Variants in AP1S2 observed in about 807,000 individuals in gnomAD.
The protein encoded by AP1S2 is AP-1 complex subunit sigma-2.
In AP1S2, 1 loss-of-function variant was observed where a neutral mutation model predicts 14.3. That is an observed-to-expected ratio of 0.07 (90% CI 0.02 to 0.33). The LOEUF (loss-of-function observed/expected upper bound fraction) is 0.33, where lower values mean the gene tolerates loss of function less well. AP1S2 is among the 10% of genes least tolerant of loss of function. AP1S2 has a pLI of 0.99. For missense variants in AP1S2, 30 were observed against 117.7 expected (o/e 0.25, Z 3.45); for synonymous variants, 30 against 40.5 (o/e 0.74, Z 0.99).
rs761779751 is a variant in AP1S2 at position 15,826,044 on chromosome X, G to C, written c.*1281C>G. The C allele has an allele frequency of 8.9e-6, 1 of 111,852 alleles. No homozygotes were observed. Among genetic ancestry groups the C allele is most frequent in the East Asian group, 2.8e-4 (1 of 3,555 alleles). The allele number at this position is 111,852 out of a possible 1,213,427, so 9.2% of individuals were successfully genotyped here. A position where few individuals can be genotyped will look rare whatever the true frequency, so the allele number is the denominator to read the frequency against. On this transcript the variant is annotated 3_prime_UTR_variant, in exon 6 of 6. Coordinates refer to ENST00000672987, the MANE Select transcript of AP1S2 (RefSeq NM_001272071.2). ...CTCTGCATAGTTTGACAAACTTTTG[G>C]AAAGAGATAAAAACACACTCCAGTG...
At chrX:15,831,210 A>G (rs984837136) in intron 4 of AP1S2, 33 of 718,882 alleles carry the variant, frequency 4.6e-5, no homozygotes, top group Non-Finnish European at 5.1e-5. Context: ...TTATAAGATA[A>G]ATCACAGATG....
chrX:15,840,477 A>T, intron 4 of AP1S2: 1 of 884,647 alleles, frequency 1.1e-6, no homozygotes, highest in Non-Finnish European at 1.5e-6. Context: ...TGCCACAAAA[A>T]TGGTAAATTT....
intron 4 of AP1S2, among the ~76,000 whole-genome samples, chrX:15,844,558 C>T (rs1275145912): frequency 3.6e-5 from 4 of 112,561 alleles, no homozygotes; most frequent in Non-Finnish European, 7.5e-5. Context: ...GTAAGCTTTC[C>T]ATATGATAAA....
chrX:15,840,669 T>A (rs901124597), intron 4 of AP1S2: 14 of 549,731 alleles, frequency 2.5e-5, no homozygotes, highest in Admixed American at 1.6e-4. Context: ...ATTTCCTTTG[T>A]CATTATATAT....
Position 15,844,693 on chromosome X carries a change from C to A in AP1S2, c.426+686G>T, listed in dbSNP as rs183319253. On this transcript the variant is annotated intron_variant, in intron 4 of 5. Transcript: ENST00000672987. Reference sequence around the variant, plus strand: ...TCAGAAATAGAAGGTACATCAGCATCAACTGCACAATTAACCCAAGATGAC... The same window carrying A: ...TCAGAAATAGAAGGTACATCAGCATAAACTGCACAATTAACCCAAGATGAC... Among the ~76,000 whole-genome samples the A allele has an allele frequency of 6.4e-3, 720 of 112,085 alleles. 6 individuals carry two copies. Among genetic ancestry groups the A allele is most frequent in the African/African-American group, 0.022 (677 of 30,894 alleles).
chrX:15,834,439 AATATAT>A (rs1161066866), intron 4 of AP1S2, among the ~76,000 whole-genome samples: 480 of 25,101 alleles, frequency 0.019, 15 homozygotes, highest in South Asian at 0.032. Context: ...TCCCTTCCAA[AATATAT>A]ATATATATAT....
chrX:15,829,925 A>G (rs1207177328), intron 4 of AP1S2: 1 of 172,769 alleles, frequency 5.8e-6, no homozygotes, highest in East Asian at 2.6e-4. Context: ...CTGTACACTT[A>G]AAACTGCGTA....
chrX:15,828,162 T>C (rs761160702), intron 5 of AP1S2, 30 bp downstream of exon 5: 3 of 1,074,852 alleles, frequency 2.8e-6, no homozygotes, highest in Non-Finnish European at 3.7e-6. Flanking sequence ...GAAAATAATA[T>C]AAATTTTTGG....
intron 4 of AP1S2, among the ~76,000 whole-genome samples, chrX:15,842,015 T>G (rs1196098460): frequency 9.0e-6 from 1 of 111,622 alleles, no homozygotes. Flanking sequence ...CTCATTAGGC[T>G]ACCTCTAACC....
chrX:15,846,764 G>C lies in AP1S2; in HGVS notation c.180-753C>G, dbSNP rs138370893. Among the ~76,000 whole-genome samples the C allele has an allele frequency of 2.7e-3, 308 of 112,249 alleles. 1 individual carries two copies. The highest frequency in any genetic ancestry group is 9.6e-3 in the African/African-American group (297 of 30,947). Reference sequence around the variant, plus strand: ...AACAGAAAGTTCCTATCACTTAAGGGAAACAGAGGCCTGTTCTCAAATTTA... The same window carrying C: ...AACAGAAAGTTCCTATCACTTAAGGCAAACAGAGGCCTGTTCTCAAATTTA... On this transcript the variant is annotated intron_variant, in intron 2 of 5. Coordinates refer to ENST00000672987, the MANE Select transcript of AP1S2 (RefSeq NM_001272071.2).
intron 4 of AP1S2, among the ~76,000 whole-genome samples, chrX:15,836,081 T>C (rs1167733068): frequency 8.9e-6 from 1 of 112,116 alleles, no homozygotes; most frequent in Non-Finnish European, 1.9e-5. Context: ...TGTATGGTTG[T>C]ACTATAATTT....
chrX:15,828,672 T>C (rs776309078), intron 4 of AP1S2, among the ~76,000 whole-genome samples: 6 of 109,482 alleles, frequency 5.5e-5, no homozygotes, highest in Admixed American at 2.9e-4. Flanking sequence ...CAGATCTAAA[T>C]AGAAATGAGG....
chrX:15,836,767 C>G (rs1350952144), intron 4 of AP1S2, among the ~76,000 whole-genome samples: 4 of 110,891 alleles, frequency 3.6e-5, no homozygotes, highest in Non-Finnish European at 7.6e-5. Context: ...ACCTGTAATC[C>G]CAGCTACTCG....
intron 2 of AP1S2, among the ~76,000 whole-genome samples, chrX:15,851,901 G>A (rs764063680): frequency 4.5e-5 from 5 of 112,143 alleles, no homozygotes; most frequent in African/African-American, 9.7e-5. Flanking sequence ...GTATTTACAC[G>A]TGAGTAAGAT....
Position 15,846,008 on chromosome X carries a change from A to G in AP1S2, c.183T>C (p.Tyr61=), listed in dbSNP as rs781486489. 6.1e-6 allele frequency: 7 copies of G among 1,147,233 alleles called. No individual in the cohort carries two copies. In the South Asian group the frequency reaches 9.0e-5, roughly 15 times the overall value. 94.5% of individuals were successfully genotyped at this position (1,147,233 alleles called of 1,213,427 possible). Residue 61 remains tyrosine (Y), a synonymous_variant, in exon 3 of 6, where the codon TAT becomes TAC. Transcript: ENST00000672987. ...WRDLKIVYKR[Y]ASLYFCCAIE... ...TAGCACAGCAAAAATACAGACTAGC[A>G]TATCTGTAACAAAGTACAAATGTGA...
intron 1 of AP1S2, among the ~76,000 whole-genome samples, chrX:15,853,706 A>G (rs1346093914): frequency 1.8e-5 from 2 of 112,279 alleles, no homozygotes; most frequent in Non-Finnish European, 3.8e-5. Flanking sequence ...TATCAACAAG[A>G]TATCTAGAAA....
chrX:15,853,293 T>A (rs1287676590), intron 1 of AP1S2, among the ~76,000 whole-genome samples: 1 of 112,453 alleles, frequency 8.9e-6, no homozygotes, highest in African/African-American at 3.2e-5. Flanking sequence ...AAAAATAGTA[T>A]CTACAGATGG....
At chrX:15,828,610 A>C (rs1452989867) in intron 4 of AP1S2, among the ~76,000 whole-genome samples, 14 of 111,198 alleles carry the variant, frequency 1.3e-4, no homozygotes, top group Non-Finnish European at 1.9e-5. Context: ...AAAGAGTCTA[A>C]CCTATGAAGT....
intron 2 of AP1S2, 46 bp downstream of exon 2, chrX:15,852,300 C>A: frequency 8.8e-7 from 1 of 1,136,141 alleles, no homozygotes; most frequent in Non-Finnish European, 1.2e-6. Context: ...CCTAAATGAC[C>A]TAACATTTGA....
Sources: gnomAD v4.1 joint callset for allele counts (sites outside exome capture counted in the v4.1 genomes callset) on GRCh38, gnomAD v4.1.1 for gene constraint, MANE v1.5 for transcripts, NCBI Gene and HGNC (gene_info 2026-07-23, HGNC 2026-07-21) for gene names.